SLC30A6: variants seen among roughly 807,000 people sequenced by gnomAD.
SLC30A6 encodes zinc transporter 6.
A neutral mutation model predicts 63.0 loss-of-function variants in SLC30A6; 55 were observed. That is an observed-to-expected ratio of 0.87 (90% CI 0.70 to 1.09). The LOEUF is 1.09. Among genes scored for constraint, SLC30A6 ranks in the 50% least tolerant of loss-of-function variants. SLC30A6 has a pLI of 0.00. For synonymous variants in SLC30A6, 224 were observed against 186.1 expected, an observed-to-expected ratio of 1.20 and a Z score of -1.66; for missense variants, 587 against 549.2, an observed-to-expected ratio of 1.07 and a Z score of -0.69.
intron 8 of SLC30A6, among the ~76,000 whole-genome samples, chr2:32,194,615 T>G (rs1317683041): frequency 6.6e-6 from 1 of 152,128 alleles, no homozygotes; most frequent in Admixed American, 6.6e-5. Context: ...AAAATAGAAG[T>G]GGGATGTGTG....
At chr2:32,200,906 A>G (rs559894146) in intron 10 of SLC30A6, among the ~76,000 whole-genome samples, 1 of 152,322 alleles carries the variant, frequency 6.6e-6, no homozygotes, top group Non-Finnish European at 1.5e-5. Context: ...GTCAGCACAG[A>G]GTCCTGAGTA....
chr2:32,170,129 T>G (rs904678309), intron 1 of SLC30A6, among the ~76,000 whole-genome samples: 3 of 152,152 alleles, frequency 2.0e-5, no homozygotes, highest in Non-Finnish European at 4.4e-5. Context: ...CTTTAGAGCT[T>G]CTTGGGTTTT....
At chr2:32,202,555 T>G (rs769989418) in intron 10 of SLC30A6, 1 of 354,456 alleles carries the variant, frequency 2.8e-6, no homozygotes. Flanking sequence ...ATGGTCTCAA[T>G]CTCCTGACCT....
Position 32,224,276 on chromosome 2 carries a change from G to T in SLC30A6, c.*3563G>T, listed in dbSNP as rs753944402. 28 of 514,956 alleles carry T rather than the reference G, an allele frequency of 5.4e-5. No homozygotes were observed. Among genetic ancestry groups the T allele is most frequent in the Non-Finnish European group, 8.2e-5 (24 of 294,348 alleles). 31.9% of individuals were successfully genotyped at this position (514,956 alleles called of 1,614,324 possible). On this transcript the variant is annotated 3_prime_UTR_variant, in exon 14 of 14. Coordinates refer to ENST00000282587, the MANE Select transcript of SLC30A6 (RefSeq NM_017964.5). ...CCCAGACCAAAGGTAACACAAAGAT[G>T]AATGAGAATTCCTTCAAGGCGCCGA...
chr2:32,203,255 G>A lies in SLC30A6; in HGVS notation c.666-1335G>A, dbSNP rs1684453666. ...ACGCACAGGTAGAGCTGGACAGACA[G>A]GGATTTGTATATGTTTTTATCAACC... On this transcript the variant is annotated intron_variant, in intron 10 of 13. Coordinates refer to ENST00000282587, the MANE Select transcript of SLC30A6 (RefSeq NM_017964.5). The A allele has an allele frequency of 2.2e-5, 21 of 972,232 alleles. No individual in the cohort carries two copies. In the South Asian group the frequency reaches 2.7e-4, roughly 12 times the overall value. 60.2% of individuals were successfully genotyped at this position (972,232 alleles called of 1,614,324 possible).
In SLC30A6 at chr2:32,174,091, T is replaced by C. The variant is rs1411147987; in HGVS notation, c.119T>C (p.Ile40Thr). The change falls in exon 3 of 14, where the codon ATA (isoleucine) becomes ACA (threonine). Residue 40 changes from isoleucine (I) to threonine (T), a missense_variant. By Grantham distance (89) the Ile-to-Thr change is moderately conservative. Transcript: ENST00000282587. ...TGGAAGATACTGCTCTTTGGTGTAA[T>C]AAACTTGATATGTACTGGCTTCCTG... ...RSWKILLFGV[I>T]NLICTGFLLM... The C allele has an allele frequency of 1.9e-6, 3 of 1,613,784 alleles. No homozygotes were observed.
chr2:32,192,910 T>A lies in SLC30A6; in HGVS notation c.366-8T>A. The A allele has an allele frequency of 6.7e-7, 1 of 1,489,894 alleles. No individual in the cohort carries two copies. The highest frequency in any genetic ancestry group is 9.0e-7 in the Non-Finnish European group (1 of 1,105,620). 92.3% of individuals were successfully genotyped at this position (1,489,894 alleles called of 1,614,324 possible). A position where few individuals can be genotyped will look rare whatever the true frequency, so the allele number is the denominator to read the frequency against. ...AGGACTTATTTAATATATTTTTATT[T>A]CTTATAGTGCAGAACGCTTTTTGGA... is the stretch of plus-strand genomic sequence containing the variant. On this transcript the variant is annotated splice_region_variant and splice_polypyrimidine_tract_variant and intron_variant, in intron 6 of 13. Coordinates refer to ENST00000282587, the MANE Select transcript of SLC30A6 (RefSeq NM_017964.5).
intron 6 of SLC30A6, among the ~76,000 whole-genome samples, 185 bp downstream of exon 6, chr2:32,192,601 T>C (rs1683432551): frequency 6.6e-6 from 1 of 152,174 alleles, no homozygotes; most frequent in Non-Finnish European, 1.5e-5. Flanking sequence ...ACTTCCTTCC[T>C]TAATGCTACT....
At chr2:32,196,744 C>T (rs888365134) in intron 8 of SLC30A6, among the ~76,000 whole-genome samples, 1 of 152,094 alleles carries the variant, frequency 6.6e-6, no homozygotes, top group African/African-American at 2.4e-5. Context: ...TCTCAGCACA[C>T]TAGTTAGGAA....
chr2:32,181,244 G>A lies in SLC30A6; in HGVS notation c.219-3029G>A, dbSNP rs927118535. 2.6e-5 allele frequency among the ~76,000 whole-genome samples: 4 copies of A among 152,050 alleles called. No individual in the cohort carries two copies. The East Asian group carries it at 5.8e-4, about 22-fold the overall frequency. On this transcript the variant is annotated intron_variant, in intron 4 of 13. Coordinates refer to ENST00000282587, the MANE Select transcript of SLC30A6 (RefSeq NM_017964.5). The stretch of plus-strand genomic sequence containing the variant: ...TTATGTAGTAATGGGAAGTAAATTC[G>A]ATCAGTGTACCATATTTCATCAAAT...
At chr2:32,169,679 G>T (rs530538163) in intron 1 of SLC30A6, among the ~76,000 whole-genome samples, 1 of 152,262 alleles carries the variant, frequency 6.6e-6, no homozygotes, top group Admixed American at 6.5e-5. Flanking sequence ...CTCCTTCACC[G>T]CAGAATGGGG....
intron 13 of SLC30A6, among the ~76,000 whole-genome samples, chr2:32,215,502 A>T (rs940561525): frequency 2.1e-5 from 2 of 93,854 alleles, no homozygotes; most frequent in African/African-American, 4.4e-5. Context: ...GCCATCTATT[A>T]TATATATATA....
intron 4 of SLC30A6, among the ~76,000 whole-genome samples, chr2:32,181,117 A>C (rs958842773): frequency 6.6e-5 from 10 of 152,348 alleles, no homozygotes; most frequent in Admixed American, 2.0e-4. Flanking sequence ...ATTAATACCA[A>C]AGTGGTGTTA....
In SLC30A6 at chr2:32,216,737, T is replaced by C. The variant is rs560806037; in HGVS notation, c.886-3476T>C. On this transcript the variant is annotated intron_variant, in intron 13 of 13. Transcript: ENST00000282587. ...TTTGAGATGTATCTTCATGTTTTTTTCCCATTTTTTAATGGGGTTGTTTTT... is the reference window on the plus strand; with the variant it reads ...TTTGAGATGTATCTTCATGTTTTTTCCCCATTTTTTAATGGGGTTGTTTTT... Among the ~76,000 whole-genome samples, 19 of 152,204 alleles carry C rather than the reference T, an allele frequency of 1.2e-4. No homozygotes were observed. The East Asian group carries it at 2.3e-3, about 19-fold the overall frequency.
At chr2:32,202,188 CTT>C in intron 10 of SLC30A6, 1 of 797,178 alleles carries the variant, frequency 1.3e-6, no homozygotes, top group Non-Finnish European at 1.9e-6. Context: ...TAACATCTCT[CTT>C]TCCTGTTCAA....
At chr2:32,169,243 G>A (rs1222158537) in intron 1 of SLC30A6, among the ~76,000 whole-genome samples, 1 of 151,998 alleles carries the variant, frequency 6.6e-6, no homozygotes, top group Admixed American at 6.6e-5. Flanking sequence ...TGTGAACCTG[G>A]CTCACTGCTT....
intron 8 of SLC30A6, 106 bp from the exon 9 acceptor site, chr2:32,197,238 A>G (rs556244246): frequency 9.5e-6 from 9 of 943,280 alleles, no homozygotes; most frequent in African/African-American, 5.0e-5. Flanking sequence ...TTGTAATGTT[A>G]TTCAGTCACT....
intron 13 of SLC30A6, among the ~76,000 whole-genome samples, chr2:32,218,191 C>T (rs1186788233): frequency 6.6e-6 from 1 of 152,070 alleles, no homozygotes; most frequent in Non-Finnish European, 1.5e-5. Flanking sequence ...GAGGCTGAGG[C>T]AGGAGGATCG....
intron 13 of SLC30A6, among the ~76,000 whole-genome samples, chr2:32,217,322 G>T (rs1172160139): frequency 6.6e-6 from 1 of 152,178 alleles, no homozygotes; most frequent in Non-Finnish European, 1.5e-5. Context: ...TATTGAATAG[G>T]TAGTCCTTTC....
Sources: gnomAD v4.1 joint callset for allele counts (sites outside exome capture counted in the v4.1 genomes callset) on GRCh38, gnomAD v4.1.1 for gene constraint, MANE v1.5 for transcripts, NCBI Gene and HGNC (gene_info 2026-07-23, HGNC 2026-07-21) for gene names.